The following FAF1 variants were observed in gnomAD, a reference collection of about 807,000 sequenced individuals.
The protein encoded by FAF1 is FAS-associated factor 1.
In FAF1, 25 loss-of-function variants were observed where a neutral mutation model predicts 92.5. That is an observed-to-expected ratio of 0.27 (90% CI 0.20 to 0.38). The LOEUF (loss-of-function observed/expected upper bound fraction) is 0.38. FAF1 is among the 10% of genes least tolerant of loss of function. The pLI is 1.00. For missense variants in FAF1, 636 were observed against 793.3 expected (o/e 0.80, Z 2.38); for synonymous variants, 234 against 273.2 (o/e 0.86, Z 1.42).
intron 8 of FAF1, among the ~76,000 whole-genome samples, chr1:50,601,983 T>G (rs1652158556): frequency 6.6e-6 from 1 of 152,138 alleles, no homozygotes; most frequent in African/African-American, 2.4e-5. Context: ...ACCAAGAGTC[T>G]TAACATCTCC....
At chr1:50,563,927 C>T (rs1287506491) in intron 13 of FAF1, among the ~76,000 whole-genome samples, 2 of 152,174 alleles carry the variant, frequency 1.3e-5, no homozygotes, top group African/African-American at 4.8e-5. Context: ...AAATCATCAA[C>T]ATCACAGGGG....
intron 2 of FAF1, among the ~76,000 whole-genome samples, chr1:50,838,599 T>C (rs1644231678): frequency 6.7e-6 from 1 of 149,204 alleles, no homozygotes; most frequent in Admixed American, 6.7e-5. Flanking sequence ...AAATTATAAA[T>C]TATAAATACA....
At chr1:50,531,024 G>A (rs1648137098) in intron 15 of FAF1, among the ~76,000 whole-genome samples, 2 of 152,148 alleles carry the variant, frequency 1.3e-5, no homozygotes, top group Admixed American at 1.3e-4. Flanking sequence ...CAACAAAAAG[G>A]CTGCTGTGAG....
intron 6 of FAF1, among the ~76,000 whole-genome samples, chr1:50,713,638 T>A (rs1029550985): frequency 6.6e-6 from 1 of 151,156 alleles, no homozygotes; most frequent in South Asian, 2.1e-4. Flanking sequence ...TAGAACCTTT[T>A]AAAAAAAAAC....
At chr1:50,732,097 C>CA (rs944308873) in intron 6 of FAF1, among the ~76,000 whole-genome samples, 4 of 151,862 alleles carry the variant, frequency 2.6e-5, no homozygotes, top group African/African-American at 9.7e-5. Flanking sequence ...TATTTTGAGA[C>CA]AGAGTCTGGC....
chr1:50,811,884 G>C (rs887894668), intron 2 of FAF1, among the ~76,000 whole-genome samples: 4 of 152,044 alleles, frequency 2.6e-5, no homozygotes, highest in African/African-American at 4.8e-5. Flanking sequence ...CCATGGAACA[G>C]AATAGAGAGC....
intron 18 of FAF1, among the ~76,000 whole-genome samples, chr1:50,452,473 A>G (rs1646305810): frequency 6.6e-6 from 1 of 152,180 alleles, no homozygotes; most frequent in African/African-American, 2.4e-5. Context: ...AGTAAGACAC[A>G]CAAACACCAT....
intron 4 of FAF1, among the ~76,000 whole-genome samples, chr1:50,771,520 C>T (rs1253848313): frequency 6.6e-6 from 1 of 152,160 alleles, no homozygotes; most frequent in Non-Finnish European, 1.5e-5. Context: ...ACACAAAATG[C>T]TTAGTATCAC....
chr1:50,871,371 A>C (rs1432378471), intron 1 of FAF1, among the ~76,000 whole-genome samples: 1 of 152,252 alleles, frequency 6.6e-6, no homozygotes, highest in Non-Finnish European at 1.5e-5. Context: ...ACAGCCTTCT[A>C]TTGGAAGAAA....
chr1:50,928,163 G>T (rs574462074), intron 1 of FAF1, among the ~76,000 whole-genome samples: 1 of 152,170 alleles, frequency 6.6e-6, no homozygotes, highest in East Asian at 1.9e-4. Flanking sequence ...CCATGCTATG[G>T]TGCACTTTTA....
At chr1:50,511,044 T>C (rs1647128212) in intron 15 of FAF1, among the ~76,000 whole-genome samples, 1 of 152,168 alleles carries the variant, frequency 6.6e-6, no homozygotes, top group Admixed American at 6.5e-5. Flanking sequence ...AGATTATACA[T>C]TGAGTAATAA....
intron 7 of FAF1, 46 bp downstream of exon 7, chr1:50,705,740 G>T: frequency 9.6e-7 from 1 of 1,046,022 alleles, no homozygotes; most frequent in Non-Finnish European, 1.5e-6. Context: ...GTCAACATTA[G>T]CTATAATGAG....
chr1:50,586,193 C>T (rs1270759859), intron 9 of FAF1, among the ~76,000 whole-genome samples: 1 of 152,144 alleles, frequency 6.6e-6, no homozygotes, highest in East Asian at 1.9e-4. Context: ...GGTTTCCTCC[C>T]TCCCCTAGGC....
chr1:50,476,060 CACAA>C lies in FAF1; in HGVS notation c.1654-385_1654-382del, dbSNP rs1458794167. ...ATTAGATGCATTCAGAAAAGACACA[CACAA>C]ACAGAGATATATTTATATTTGAGAA... On this transcript the variant is annotated intron_variant, in intron 17 of 18. Transcript: ENST00000396153. Among the ~76,000 whole-genome samples, 160 of 152,178 alleles carry C rather than the reference CACAA, an allele frequency of 1.1e-3. 1 individual carries two copies. Among genetic ancestry groups the C allele is most frequent in the Non-Finnish European group, 1.2e-4 (8 of 68,010 alleles).
At chr1:50,842,590 T>C (rs1418444046) in intron 2 of FAF1, among the ~76,000 whole-genome samples, 1 of 152,034 alleles carries the variant, frequency 6.6e-6, no homozygotes, top group Non-Finnish European at 1.5e-5. Flanking sequence ...ACTCCTTTGC[T>C]CACTATATTC....
chr1:50,811,299 AC>A (rs1643906911), intron 2 of FAF1, among the ~76,000 whole-genome samples: 1 of 152,198 alleles, frequency 6.6e-6, no homozygotes, highest in Non-Finnish European at 1.5e-5. Flanking sequence ...AGATCGAATT[AC>A]TGCACTCCAG....
chr1:50,728,060 C>T (rs551774467), intron 6 of FAF1, among the ~76,000 whole-genome samples: 16 of 152,220 alleles, frequency 1.1e-4, no homozygotes, highest in East Asian at 5.8e-4. Context: ...AACTCCCTTG[C>T]GTATATACAT....
At chr1:50,652,367 C>G (rs1340436467) in intron 8 of FAF1, among the ~76,000 whole-genome samples, 1 of 152,152 alleles carries the variant, frequency 6.6e-6, no homozygotes, top group Admixed American at 6.6e-5. Context: ...TGAATTAGCA[C>G]CTAAAATGTA....
At chr1:50,514,025 G>C (rs1014789354) in intron 15 of FAF1, among the ~76,000 whole-genome samples, 4 of 152,102 alleles carry the variant, frequency 2.6e-5, no homozygotes, top group African/African-American at 9.7e-5. Context: ...GATTTTCCTG[G>C]GTGTGTAAGG....
Sources: gnomAD v4.1 joint callset for allele counts (sites outside exome capture counted in the v4.1 genomes callset) on GRCh38, gnomAD v4.1.1 for gene constraint, MANE v1.5 for transcripts, NCBI Gene and HGNC (gene_info 2026-07-23, HGNC 2026-07-21) for gene names.